The following TBK1 variants were observed in gnomAD, a reference collection of about 807,000 sequenced individuals.
TBK1 encodes TANK binding kinase 1, also known as serine/threonine-protein kinase TBK1.
Under a neutral mutation model 99.9 loss-of-function variants are expected in TBK1, and 37 were observed. The ratio of observed to expected loss-of-function variants is 0.37; its 90% CI spans 0.28 to 0.49. The LOEUF is 0.49. Ranked by LOEUF, TBK1 falls within the 20% of genes least tolerant of loss-of-function variation. The pLI is 0.98. For missense variants in TBK1, 644 were observed against 872.5 expected (o/e 0.74, Z 3.30); for synonymous variants, 258 against 279.8 (o/e 0.92, Z 0.78).
In TBK1 at chr12:64,466,979, G is replaced by A; in HGVS notation, c.437G>A (p.Gly146Glu). Residue 146 changes from glycine to glutamate, a missense_variant, in exon 5 of 21, where the codon GGG becomes GAG. Gly to Glu is a moderately conservative substitution (Grantham distance 98). Coordinates refer to ENST00000331710, the MANE Select transcript of TBK1 (RefSeq NM_013254.4). The part of the protein sequence containing the change: ...IKPGNIMRVI[G>E]EDGQSVYKLT... ...CCAGGAAATATCATGCGTGTTATAG[G>A]GGAAGATGGACAGTCTGTGTACAAA... 1 of 1,613,092 alleles carries A rather than the reference G, an allele frequency of 6.2e-7. No individual in the cohort carries two copies. Among genetic ancestry groups the A allele is most frequent in the Non-Finnish European group, 8.5e-7 (1 of 1,179,526 alleles).
At chr12:64,467,578 G>A (rs1409127704) in intron 5 of TBK1, among the ~76,000 whole-genome samples, 4 of 152,038 alleles carry the variant, frequency 2.6e-5, no homozygotes, top group Non-Finnish European at 4.4e-5. Flanking sequence ...GTGTGTTTTT[G>A]TAAAGTCAGT....
chr12:64,480,691 G>A (rs1026967623), intron 7 of TBK1, among the ~76,000 whole-genome samples: 12 of 152,056 alleles, frequency 7.9e-5, no homozygotes, highest in Non-Finnish European at 1.2e-4. Flanking sequence ...AAAGAATTAA[G>A]GTAAAAGAAA....
intron 5 of TBK1, among the ~76,000 whole-genome samples, chr12:64,469,414 A>G (rs748883553): frequency 6.6e-5 from 10 of 152,018 alleles, no homozygotes; most frequent in Admixed American, 3.3e-4. Context: ...TGCTTTTGCT[A>G]TTATCCTTTT....
intron 1 of TBK1, among the ~76,000 whole-genome samples, chr12:64,454,483 G>A (rs1234670850): frequency 1.3e-5 from 2 of 152,078 alleles, no homozygotes; most frequent in Admixed American, 1.3e-4. Flanking sequence ...TCCTGACCTT[G>A]TGATCCGCCC....
intron 7 of TBK1, 71 bp downstream of exon 7, chr12:64,480,193 G>C: frequency 9.7e-7 from 1 of 1,033,470 alleles, no homozygotes. Flanking sequence ...TAGAACCACA[G>C]ATACTCAAAT....
At chr12:64,457,354 G>C (rs1239108945) in intron 2 of TBK1, among the ~76,000 whole-genome samples, 1 of 152,176 alleles carries the variant, frequency 6.6e-6, no homozygotes, top group African/African-American at 2.4e-5. Flanking sequence ...TTCTTATTCA[G>C]ATTACTTGCG....
chr12:64,453,619 G>C (rs1466575966), intron 1 of TBK1, among the ~76,000 whole-genome samples: 2 of 152,172 alleles, frequency 1.3e-5, no homozygotes, highest in Non-Finnish European at 2.9e-5. Context: ...GGGGATATTG[G>C]TGGTCATTAA....
At chr12:64,485,889 A>G in intron 10 of TBK1, 37 bp from the exon 11 acceptor site, 4 of 1,480,570 alleles carry the variant, frequency 2.7e-6, no homozygotes, top group Non-Finnish European at 3.6e-6. Context: ...CTATACCACA[A>G]TTAGCACCAA....
Position 64,501,289 on chromosome 12 carries a change from A to G in TBK1, c.2139-41A>G, listed in dbSNP as rs2040985593. 4.4e-6 allele frequency: 7 copies of G among 1,608,212 alleles called. No homozygotes were observed. In the Admixed American group the frequency reaches 5.1e-5, roughly 12 times the overall value. On this transcript the variant is annotated intron_variant, in intron 20 of 20. Coordinates refer to ENST00000331710, the MANE Select transcript of TBK1 (RefSeq NM_013254.4). ...TTGGGGGCCTTTATACATAAATGCAACTTTTGAGATTACCTTTTTTTCTTT... is the reference window on the plus strand; with the variant it reads ...TTGGGGGCCTTTATACATAAATGCAGCTTTTGAGATTACCTTTTTTTCTTT...
At chr12:64,465,755 T>C (rs1021806623) in intron 4 of TBK1, among the ~76,000 whole-genome samples, 3 of 152,098 alleles carry the variant, frequency 2.0e-5, no homozygotes, top group Non-Finnish European at 4.4e-5. Flanking sequence ...GAAAACAGAT[T>C]AGTGGTTTCT....
intron 6 of TBK1, among the ~76,000 whole-genome samples, chr12:64,477,895 G>A (rs1253773214): frequency 1.3e-5 from 2 of 152,130 alleles, no homozygotes; most frequent in Admixed American, 6.5e-5. Flanking sequence ...TGTAAGCCAA[G>A]GAAGAGATGG....
chr12:64,477,688 T>C (rs1422808383), intron 6 of TBK1, among the ~76,000 whole-genome samples: 1 of 152,194 alleles, frequency 6.6e-6, no homozygotes, highest in East Asian at 1.9e-4. Context: ...TAGTACTATG[T>C]TGAATAGGAG....
chr12:64,457,150 G>A (rs2040498586), intron 2 of TBK1, among the ~76,000 whole-genome samples: 1 of 152,164 alleles, frequency 6.6e-6, no homozygotes, highest in Non-Finnish European at 1.5e-5. Context: ...CTCTTTTCCT[G>A]TATTCTTGAG....
chr12:64,467,055 T>C lies in TBK1; in HGVS notation c.513T>C (p.Val171=), dbSNP rs1278327977. 6.2e-7 allele frequency: 1 copy of C among 1,608,832 alleles called. No individual in the cohort carries two copies. Among genetic ancestry groups the C allele is most frequent in the Non-Finnish European group, 8.5e-7 (1 of 1,177,472 alleles). The change falls in exon 5 of 21, where the codon GTT becomes GTC. Residue 171 remains valine (V), a synonymous_variant. Transcript: ENST00000331710. The stretch of plus-strand genomic sequence containing the variant: ...AATTAGAAGATGATGAGCAGTTTGT[T>C]TCTCTGTATGGCACAGAAGAATATT... ...ARELEDDEQF[V]SLYGTEEYLH... is the part of the protein sequence containing the mutation.
rs541704595 is a variant in TBK1 at position 64,479,421 on chromosome 12, A to G, written c.702-591A>G. ...GAGGAAGCAGCAAATGGTCTAAATC[A>G]GTTGTGGTGGTTTGTTCTATTTTTT... On this transcript the variant is annotated intron_variant, in intron 6 of 20. Transcript: ENST00000331710. Among the ~76,000 whole-genome samples, 63 of 152,348 alleles carry G rather than the reference A, an allele frequency of 4.1e-4. 1 individual carries two copies. The highest frequency in any genetic ancestry group is 1.5e-3 in the African/African-American group (61 of 41,586).
At chr12:64,452,924 G>T (rs921679965) in intron 1 of TBK1, 1 of 152,188 alleles carries the variant, frequency 6.6e-6, no homozygotes, top group African/African-American at 2.4e-5. Context: ...AAACCCCAGT[G>T]TATGAATCAC....
intron 11 of TBK1, among the ~76,000 whole-genome samples, 171 bp from the exon 12 acceptor site, chr12:64,488,316 A>G (rs904911142): frequency 1.2e-4 from 18 of 152,340 alleles, no homozygotes; most frequent in African/African-American, 4.3e-4. Flanking sequence ...TCCCTAATAC[A>G]TCAGGATCAC....
intron 20 of TBK1, 102 bp downstream of exon 20, chr12:64,498,141 G>A: frequency 2.1e-6 from 2 of 974,638 alleles, no homozygotes; most frequent in Non-Finnish European, 1.5e-6. Flanking sequence ...AGTGGTAAAG[G>A]GTCATAAAGT....
chr12:64,458,877 C>A (rs920206065), intron 2 of TBK1, among the ~76,000 whole-genome samples: 4 of 152,158 alleles, frequency 2.6e-5, no homozygotes, highest in Admixed American at 2.6e-4. Flanking sequence ...TACTTAAATT[C>A]TTCTCTTTTC....
Sources: gnomAD v4.1 joint callset for allele counts (sites outside exome capture counted in the v4.1 genomes callset) on GRCh38, gnomAD v4.1.1 for gene constraint, MANE v1.5 for transcripts, NCBI Gene and HGNC (gene_info 2026-07-23, HGNC 2026-07-21) for gene names.